KIF18A: variants seen among roughly 807,000 people sequenced by gnomAD.
The protein encoded by KIF18A is kinesin family member 18A.
Under a neutral mutation model 103.3 loss-of-function variants are expected in KIF18A, and 67 were observed. The observed-to-expected ratio is 0.65, with a 90% CI of 0.53 to 0.79. The LOEUF (loss-of-function observed/expected upper bound fraction) is 0.79, where lower values mean the gene tolerates loss of function less well. Ranked by LOEUF, KIF18A falls within the 30% of genes least tolerant of loss-of-function variation. The pLI, the probability that KIF18A is intolerant of heterozygous loss-of-function variation, is 0.00. For missense variants in KIF18A, 1,032 were observed against 1,062.5 expected (o/e 0.97, Z 0.40); for synonymous variants, 367 against 355.5 (o/e 1.03, Z -0.36).
intron 1 of KIF18A, among the ~76,000 whole-genome samples, chr11:28,101,516 C>G (rs1030418119): frequency 2.0e-5 from 3 of 152,114 alleles, no homozygotes; most frequent in African/African-American, 7.2e-5. Flanking sequence ...CTATGACGTA[C>G]TGACTGTGAT....
chr11:28,027,881 C>A (rs1446189951), intron 15 of KIF18A, among the ~76,000 whole-genome samples: 1 of 151,882 alleles, frequency 6.6e-6, no homozygotes, highest in Non-Finnish European at 1.5e-5. Context: ...CAAAACCAGA[C>A]AAGGACACAT....
At position 28,097,641 on chromosome 11, in the gene KIF18A, T is replaced by A. The variant is rs1326309932; in HGVS notation, c.307A>T (p.Asn103Tyr). The A allele has an allele frequency of 6.2e-7, 1 of 1,605,568 alleles. No homozygotes were observed. The highest frequency in any genetic ancestry group is 1.7e-5 in the Admixed American group (1 of 59,876). Residue 103 changes from asparagine to tyrosine, a missense_variant, in exon 2 of 17, where the codon AAT becomes TAT. Coordinates refer to ENST00000263181, the MANE Select transcript of KIF18A (RefSeq NM_031217.4). ...TTKPILRSFL[N>Y]GYNCTVLAYG... is the part of the protein sequence containing the mutation. The stretch of plus-strand genomic sequence containing the variant: ...CAAATACCTGTGCAATTATATCCAT[T>A]CAAAAAACTACGAAGAATTGGCTTA...
intron 10 of KIF18A, chr11:28,076,388 C>T (rs560922823): frequency 6.6e-6 from 1 of 152,284 alleles, no homozygotes; most frequent in South Asian, 2.1e-4. Context: ...CCTTTAGTAA[C>T]TGGCTAACCT....
intron 15 of KIF18A, among the ~76,000 whole-genome samples, chr11:28,027,689 A>T (rs1850339101): frequency 6.6e-6 from 1 of 151,996 alleles, no homozygotes; most frequent in South Asian, 2.1e-4. Context: ...AATAAGTAAC[A>T]AAATCAAAGT....
chr11:28,027,858 A>G (rs1381650435), intron 15 of KIF18A, among the ~76,000 whole-genome samples: 4 of 152,012 alleles, frequency 2.6e-5, no homozygotes, highest in Non-Finnish European at 5.9e-5. Flanking sequence ...TGAGGCCAGT[A>G]TTACTCTGAT....
At chr11:28,091,297 C>A (rs1231828729) in intron 4 of KIF18A, 112 bp downstream of exon 4, 7 of 600,296 alleles carry the variant, frequency 1.2e-5, no homozygotes, top group Non-Finnish European at 2.1e-5. Context: ...AAATTCTGTA[C>A]CTCATTAGTT....
intron 2 of KIF18A, among the ~76,000 whole-genome samples, chr11:28,096,820 G>A (rs960129064): frequency 4.6e-5 from 7 of 151,114 alleles, no homozygotes; most frequent in Non-Finnish European, 2.9e-5. Context: ...ATGGTGTTTA[G>A]TGCCTGGTAG....
chr11:28,032,180 C>G (rs1349158163), intron 15 of KIF18A, among the ~76,000 whole-genome samples: 1 of 151,034 alleles, frequency 6.6e-6, no homozygotes, highest in Non-Finnish European at 1.5e-5. Context: ...TAAAAGAGCT[C>G]CATAATGAAA....
At chr11:28,030,939 G>C (rs373015326) in intron 15 of KIF18A, among the ~76,000 whole-genome samples, 130 of 151,188 alleles carry the variant, frequency 8.6e-4, no homozygotes, top group African/African-American at 1.8e-3. Context: ...AAATGCTCAT[G>C]ATCACTGGCC....
intron 13 of KIF18A, among the ~76,000 whole-genome samples, chr11:28,058,070 GA>G (rs1850805043): frequency 6.6e-6 from 1 of 152,096 alleles, no homozygotes; most frequent in Non-Finnish European, 1.5e-5. Flanking sequence ...TTGAGGTTCT[GA>G]GAAGAGTTGA....
chr11:28,045,700 TC>T (rs1181252552), intron 13 of KIF18A, among the ~76,000 whole-genome samples: 1 of 152,032 alleles, frequency 6.6e-6, no homozygotes, highest in East Asian at 1.9e-4. Context: ...TAATTCTTCA[TC>T]TCTCATGATT....
At chr11:28,064,378 GTTCT>G (rs1850891332) in intron 11 of KIF18A, among the ~76,000 whole-genome samples, 1 of 151,894 alleles carries the variant, frequency 6.6e-6, no homozygotes, top group South Asian at 2.1e-4. Context: ...GATCTCTTCA[GTTCT>G]TTCTATTACT....
At chr11:28,051,441 T>C (rs771917683) in intron 13 of KIF18A, among the ~76,000 whole-genome samples, 83 of 151,988 alleles carry the variant, frequency 5.5e-4, no homozygotes, top group Admixed American at 3.8e-3. Flanking sequence ...CCAATATATC[T>C]ATATAAGAAT....
At chr11:28,033,921 TAC>T (rs2133493387) in intron 15 of KIF18A, among the ~76,000 whole-genome samples, 1 of 151,704 alleles carries the variant, frequency 6.6e-6, no homozygotes, top group East Asian at 1.9e-4. Context: ...ATGTGATTAT[TAC>T]ACATTGTATG....
chr11:28,080,366 TA>T (rs1247353748), intron 9 of KIF18A, among the ~76,000 whole-genome samples: 1 of 151,278 alleles, frequency 6.6e-6, no homozygotes, highest in African/African-American at 2.4e-5. Flanking sequence ...TTTTTTTTTT[TA>T]AACAAACTGA....
chr11:28,049,012 A>T (rs1375502310), intron 13 of KIF18A, among the ~76,000 whole-genome samples: 3 of 152,104 alleles, frequency 2.0e-5, no homozygotes, highest in Admixed American at 1.3e-4. Flanking sequence ...CTCTTCTGAG[A>T]GGTCTACACT....
chr11:28,072,439 T>C lies in KIF18A; in HGVS notation c.1426-3016A>G, dbSNP rs763247016. Among the ~76,000 whole-genome samples the C allele has an allele frequency of 3.3e-5, 5 of 152,334 alleles. No individual in the cohort carries two copies. In the South Asian group the frequency reaches 8.3e-4, roughly 25 times the overall value. ...GCTGAATCGATGTTATGAGATTCTT[T>C]CAGCACTTCTGATAACAAACCTCTA... On this transcript the variant is annotated intron_variant, in intron 10 of 16. Transcript: ENST00000263181.
chr11:28,091,974 C>A (rs1393247482), intron 3 of KIF18A, among the ~76,000 whole-genome samples: 1 of 152,158 alleles, frequency 6.6e-6, no homozygotes, highest in Non-Finnish European at 1.5e-5. Context: ...TGCCACCACG[C>A]CTGGCTAATT....
intron 16 of KIF18A, among the ~76,000 whole-genome samples, chr11:28,022,905 C>G (rs1345521489): frequency 6.6e-6 from 1 of 152,166 alleles, no homozygotes; most frequent in Non-Finnish European, 1.5e-5. Context: ...CAGAAAAAAA[C>G]TAACAATAGC....
Sources: gnomAD v4.1 joint callset for allele counts (sites outside exome capture counted in the v4.1 genomes callset) on GRCh38, gnomAD v4.1.1 for gene constraint, MANE v1.5 for transcripts, NCBI Gene and HGNC (gene_info 2026-07-23, HGNC 2026-07-21) for gene names.